Variants in PLD5 observed in about 807,000 individuals in gnomAD.
The protein encoded by PLD5 is phospholipase D family member 5, also known as inactive phospholipase D5.
In PLD5, 36 loss-of-function variants were observed where a neutral mutation model predicts 61.1. The ratio of observed to expected loss-of-function variants is 0.59; its 90% CI spans 0.45 to 0.78. PLD5 has a LOEUF of 0.78. PLD5 is among the 30% of genes least tolerant of loss of function. The pLI is 0.00. For synonymous variants in PLD5, 243 were observed against 242.8 expected (o/e 1.00, Z -0.01); for missense variants, 515 against 644.4 (o/e 0.80, Z 2.17).
At chr1:242,253,619 C>T (rs1354350342) in intron 4 of PLD5, among the ~76,000 whole-genome samples, 1 of 152,080 alleles carries the variant, frequency 6.6e-6, no homozygotes, top group African/African-American at 2.4e-5. Flanking sequence ...GGCCGCTTCA[C>T]CTCTTAAAGA....
At chr1:242,425,538 A>G (rs568581835) in intron 1 of PLD5, among the ~76,000 whole-genome samples, 3 of 152,136 alleles carry the variant, frequency 2.0e-5, no homozygotes, top group Non-Finnish European at 4.4e-5. Flanking sequence ...ATTACTGTAT[A>G]CTACTATAGA....
chr1:242,212,923 A>G (rs549138010), intron 5 of PLD5, among the ~76,000 whole-genome samples: 1 of 152,328 alleles, frequency 6.6e-6, no homozygotes, highest in Admixed American at 6.5e-5. Flanking sequence ...AGGGAGAGAA[A>G]TTACAGAAAG....
chr1:242,362,598 C>T (rs397703403), intron 1 of PLD5, among the ~76,000 whole-genome samples: 3 of 152,026 alleles, frequency 2.0e-5, no homozygotes, highest in South Asian at 2.1e-4. Flanking sequence ...AAAGGAAGCA[C>T]GTCACCCAGT....
chr1:242,319,526 C>T (rs1056062220), intron 2 of PLD5, among the ~76,000 whole-genome samples: 6 of 152,050 alleles, frequency 3.9e-5, no homozygotes, highest in African/African-American at 1.5e-4. Context: ...ATCTGCCCCC[C>T]AGTTTTGTTC....
At position 242,230,582 on chromosome 1, in the gene PLD5, A is replaced by G. The variant is rs549270251; in HGVS notation, c.608-10467T>C. The stretch of plus-strand genomic sequence containing the variant: ...TCAATTTAATTACCAACATTTTAGA[A>G]TTCATTGGCTAGAAGACTAACGGGG... On this transcript the variant is annotated intron_variant, in intron 4 of 9. Transcript: ENST00000536534. Among the ~76,000 whole-genome samples, 7 of 152,304 alleles carry G rather than the reference A, an allele frequency of 4.6e-5. No individual in the cohort carries two copies. In the East Asian group the frequency reaches 1.4e-3, roughly 29 times the overall value.
At chr1:242,126,380 T>G (rs1185128280) in intron 5 of PLD5, among the ~76,000 whole-genome samples, 1 of 152,194 alleles carries the variant, frequency 6.6e-6, no homozygotes. Flanking sequence ...AGAACAAATC[T>G]GGAGGCATCA....
intron 1 of PLD5, among the ~76,000 whole-genome samples, chr1:242,395,908 C>A (rs1048035770): frequency 6.6e-6 from 1 of 152,086 alleles, no homozygotes; most frequent in African/African-American, 2.4e-5. Context: ...ATGAGCCAAG[C>A]ATGATGGCAG....
intron 1 of PLD5, among the ~76,000 whole-genome samples, chr1:242,477,768 G>A (rs952289814): frequency 3.3e-5 from 5 of 152,180 alleles, no homozygotes; most frequent in East Asian, 1.9e-4. Flanking sequence ...AGTGGTGCTG[G>A]AGCAAGCAGT....
rs529827130 is a variant in PLD5, at chr1:242,409,565, C to A, written c.190-61323G>T. ...GCTTTGTGTGTATGGTTTTAAGGAG[C>A]GGAGAGTTTAATAGGCAAGAAAGAA... On this transcript the variant is annotated intron_variant, in intron 1 of 9. Transcript: ENST00000536534. Among the ~76,000 whole-genome samples, 6 of 152,022 alleles carry A rather than the reference C, an allele frequency of 3.9e-5. No individual in the cohort carries two copies. The South Asian group carries it at 1.0e-3, about 26-fold the overall frequency.
chr1:242,288,940 T>G (rs1675189710), intron 2 of PLD5, among the ~76,000 whole-genome samples: 1 of 152,122 alleles, frequency 6.6e-6, no homozygotes, highest in Admixed American at 6.5e-5. Context: ...ATAAATTGAG[T>G]TTTGCCTATC....
At chr1:242,441,685 TCAGA>T (rs1666281088) in intron 1 of PLD5, among the ~76,000 whole-genome samples, 1 of 151,090 alleles carries the variant, frequency 6.6e-6, no homozygotes, top group Non-Finnish European at 1.5e-5. Context: ...GGAAAAGGAG[TCAGA>T]CAGACACCCC....
rs1264859140 is a variant in PLD5 at position 242,350,424 on chromosome 1, TATACACAC to T, written c.190-2190_190-2183del. Among the ~76,000 whole-genome samples the T allele has an allele frequency of 2.8e-5, 3 of 108,556 alleles. 1 individual carries two copies. 71.2% of individuals were successfully genotyped at this position (108,556 alleles called of 152,430 possible). On this transcript the variant is annotated intron_variant, in intron 1 of 9. Transcript: ENST00000536534. ...TCACTCTGTTAGTGATAAATATATG[TATACACAC>T]GTACACACACACACACACACACACA...
chr1:242,360,204 AC>A (rs1281718252), intron 1 of PLD5, among the ~76,000 whole-genome samples: 2 of 152,136 alleles, frequency 1.3e-5, no homozygotes, highest in Non-Finnish European at 2.9e-5. Flanking sequence ...ACACTTTTGA[AC>A]CGGGGCCCTA....
intron 1 of PLD5, among the ~76,000 whole-genome samples, chr1:242,462,110 A>T (rs1667137818): frequency 6.6e-6 from 1 of 152,074 alleles, no homozygotes; most frequent in African/African-American, 2.4e-5. Flanking sequence ...TTTTTGTTGC[A>T]ATTGCTTTTG....
At chr1:242,411,366 G>A in intron 1 of PLD5, among the ~76,000 whole-genome samples, 1 of 152,208 alleles carries the variant, frequency 6.6e-6, no homozygotes, top group Non-Finnish European at 1.5e-5. Context: ...CTCCCGAGTA[G>A]CTGGGACTAC....
rs978515076 is a variant in PLD5 at position 242,220,128 on chromosome 1, G to A, written c.608-13C>T. ...GTCACCTCGGCTCCTAGGAGTTCAA[G>A]GACAGTCTGGTCAGCCTCTGCGTCA... On this transcript the variant is annotated splice_polypyrimidine_tract_variant and intron_variant, in intron 4 of 9. Transcript: ENST00000536534. 19 of 1,613,634 alleles carry A rather than the reference G, an allele frequency of 1.2e-5. No homozygotes were observed. The highest frequency in any genetic ancestry group is 3.3e-5 in the Admixed American group (2 of 60,004).
chr1:242,208,075 G>A (rs1433225660), intron 5 of PLD5, among the ~76,000 whole-genome samples: 1 of 147,198 alleles, frequency 6.8e-6, no homozygotes. Context: ...AGGCTGGTGT[G>A]CAGTGGTGTA....
intron 5 of PLD5, among the ~76,000 whole-genome samples, chr1:242,193,998 T>C (rs1401698223): frequency 1.3e-5 from 2 of 152,132 alleles, no homozygotes; most frequent in South Asian, 2.1e-4. Context: ...AAAAACAAAA[T>C]ACATCTCTTG....
At chr1:242,207,382 G>A (rs766401093) in intron 5 of PLD5, among the ~76,000 whole-genome samples, 11 of 152,022 alleles carry the variant, frequency 7.2e-5, no homozygotes, top group Non-Finnish European at 1.3e-4. Flanking sequence ...CAGGTCTTCG[G>A]TAGTTCCCCC....
Sources: gnomAD v4.1 joint callset for allele counts (sites outside exome capture counted in the v4.1 genomes callset) on GRCh38, gnomAD v4.1.1 for gene constraint, MANE v1.5 for transcripts, NCBI Gene and HGNC (gene_info 2026-07-23, HGNC 2026-07-21) for gene names.